Variants in PLXDC2 observed in about 807,000 individuals in gnomAD.
The protein encoded by PLXDC2 is plexin domain containing 2.
Under a neutral mutation model 68.9 loss-of-function variants are expected in PLXDC2, and 40 were observed. The ratio of observed to expected loss-of-function variants is 0.58; its 90% CI spans 0.45 to 0.76. The LOEUF (loss-of-function observed/expected upper bound fraction) is 0.76. PLXDC2 is among the 30% of genes least tolerant of loss of function. PLXDC2 has a pLI of 0.00. For missense variants in PLXDC2, 644 were observed against 661.9 expected (o/e 0.97, Z 0.30); for synonymous variants, 243 against 234.2 (o/e 1.04, Z -0.34).
At chr10:20,030,719 T>C (rs140418297) in intron 2 of PLXDC2, among the ~76,000 whole-genome samples, 1 of 152,210 alleles carries the variant, frequency 6.6e-6, no homozygotes, top group East Asian at 1.9e-4. Flanking sequence ...CCTGACTGGC[T>C]GAGAGAGGTG....
intron 2 of PLXDC2, among the ~76,000 whole-genome samples, chr10:20,044,922 A>G (rs968709866): frequency 2.0e-5 from 3 of 152,168 alleles, no homozygotes; most frequent in Non-Finnish European, 2.9e-5. Flanking sequence ...GATGAGTAGT[A>G]TACATACCGC....
intron 1 of PLXDC2, among the ~76,000 whole-genome samples, chr10:19,940,298 T>A (rs979670175): frequency 1.6e-4 from 25 of 152,200 alleles, no homozygotes; most frequent in East Asian, 1.3e-3. Context: ...ATAAAAAAAA[T>A]TTTTTAAATC....
chr10:20,119,603 A>G (rs1476024741), intron 4 of PLXDC2, among the ~76,000 whole-genome samples: 5 of 150,596 alleles, frequency 3.3e-5, no homozygotes, highest in Non-Finnish European at 5.9e-5. Flanking sequence ...GAGGCCTGAC[A>G]TTCCTGTCTT....
At chr10:19,911,217 G>C (rs543471772) in intron 1 of PLXDC2, among the ~76,000 whole-genome samples, 15 of 151,714 alleles carry the variant, frequency 9.9e-5, no homozygotes, top group African/African-American at 3.6e-4. Flanking sequence ...CAAAAACTAG[G>C]CCAGAAACAT....
At chr10:19,886,106 C>CT (rs561617035) in intron 1 of PLXDC2, among the ~76,000 whole-genome samples, 259 of 152,188 alleles carry the variant, frequency 1.7e-3, no homozygotes, top group African/African-American at 6.0e-3. Context: ...ATTTTATTCT[C>CT]TTTGAAGCAA....
intron 1 of PLXDC2, among the ~76,000 whole-genome samples, chr10:19,898,568 C>G (rs41442846): frequency 0.23 from 35,197 of 152,078 alleles, 4,402 homozygotes; most frequent in South Asian, 0.35. Flanking sequence ...TTAACAGCAA[C>G]AGCAAACTTT....
intron 12 of PLXDC2, among the ~76,000 whole-genome samples, chr10:20,220,130 T>C (rs1835190079): frequency 1.3e-5 from 2 of 152,232 alleles, no homozygotes; most frequent in African/African-American, 4.8e-5. Context: ...CATCATTTTG[T>C]AGTGTTTTAT....
chr10:19,975,347 A>G (rs1280784765), intron 1 of PLXDC2, among the ~76,000 whole-genome samples: 1 of 152,060 alleles, frequency 6.6e-6, no homozygotes. Flanking sequence ...AGTCCCAGCT[A>G]CTCGGGAGGC....
At chr10:20,063,969 A>G (rs1426847951) in intron 3 of PLXDC2, among the ~76,000 whole-genome samples, 2 of 152,176 alleles carry the variant, frequency 1.3e-5, no homozygotes, top group East Asian at 3.8e-4. Context: ...ACTGTTTTCC[A>G]TAGATTTTAA....
chr10:19,960,033 T>A (rs1029766481), intron 1 of PLXDC2, among the ~76,000 whole-genome samples: 1 of 151,978 alleles, frequency 6.6e-6, no homozygotes, highest in Non-Finnish European at 1.5e-5. Context: ...ATACTTGTTA[T>A]GGAAAGGGAA....
In PLXDC2 at chr10:20,288,231, C is replaced by G. The variant is rs567929181; in HGVS notation, c.*8412C>G. ...TTCGTTTCTCACTGTTTTGGAAAGCCCTGTGTGCCAAACCAAGGACGTGTC... is the reference window on the plus strand; with the variant it reads ...TTCGTTTCTCACTGTTTTGGAAAGCGCTGTGTGCCAAACCAAGGACGTGTC... On this transcript the variant is annotated 3_prime_UTR_variant, in exon 14 of 14. Coordinates refer to ENST00000377252, the MANE Select transcript of PLXDC2 (RefSeq NM_032812.9). 1 of 152,126 alleles carries G rather than the reference C, an allele frequency of 6.6e-6. No homozygotes were observed. Among genetic ancestry groups the G allele is most frequent in the East Asian group, 1.9e-4 (1 of 5,146 alleles). The allele number at this position is 152,126 out of a possible 1,614,324, so 9.4% of individuals were successfully genotyped here.
chr10:20,217,346 C>T, intron 10 of PLXDC2, 80 bp from the exon 11 acceptor site: 1 of 1,307,728 alleles, frequency 7.6e-7, no homozygotes, highest in Non-Finnish European at 1.0e-6. Context: ...TTGTGCTTTA[C>T]AGCCCAGCTT....
chr10:20,021,022 T>C (rs1835298934), intron 2 of PLXDC2, among the ~76,000 whole-genome samples: 1 of 152,160 alleles, frequency 6.6e-6, no homozygotes. Flanking sequence ...CTGGTCACAG[T>C]TTACTTCCAG....
intron 4 of PLXDC2, among the ~76,000 whole-genome samples, chr10:20,100,955 T>G (rs1019632812): frequency 6.6e-6 from 1 of 152,224 alleles, no homozygotes. Flanking sequence ...CATATTATAT[T>G]GTATGTTGTT....
At chr10:19,960,755 A>G (rs951324939) in intron 1 of PLXDC2, among the ~76,000 whole-genome samples, 2 of 152,124 alleles carry the variant, frequency 1.3e-5, no homozygotes, top group Non-Finnish European at 2.9e-5. Flanking sequence ...TTCCTTCCAT[A>G]TTACAATAAA....
chr10:19,904,264 T>C (rs953858947), intron 1 of PLXDC2, among the ~76,000 whole-genome samples: 3 of 152,180 alleles, frequency 2.0e-5, no homozygotes, highest in Admixed American at 6.5e-5. Context: ...ATGACCTGTC[T>C]AGTGCAGTCA....
At chr10:20,158,449 CA>C (rs1834245384) in intron 6 of PLXDC2, among the ~76,000 whole-genome samples, 2 of 128,208 alleles carry the variant, frequency 1.6e-5, no homozygotes. Flanking sequence ...TGTTATTAGT[CA>C]AAAAGAAGTT....
chr10:20,147,719 C>T, intron 5 of PLXDC2, 65 bp from the exon 6 acceptor site: 1 of 1,012,118 alleles, frequency 9.9e-7, no homozygotes, highest in Non-Finnish European at 1.5e-6. Context: ...TTTGTGAAAA[C>T]TCCCACCAGA....
intron 4 of PLXDC2, among the ~76,000 whole-genome samples, chr10:20,126,227 A>G (rs1448590654): frequency 1.4e-5 from 2 of 147,220 alleles, no homozygotes; most frequent in African/African-American, 2.5e-5. Context: ...TATATAATAC[A>G]TATACGTTGT....
Sources: allele counts gnomAD v4.1 joint callset (sites outside exome capture counted in the v4.1 genomes callset), GRCh38; gene constraint gnomAD v4.1.1; transcripts MANE v1.5; gene names NCBI Gene and HGNC (gene_info 2026-07-23, HGNC 2026-07-21).